Variants in SH3GL2 observed in about 807,000 individuals in gnomAD.
The protein encoded by SH3GL2 is SH3 domain containing GRB2 like 2, endophilin A1, also known as endophilin-A1.
Under a neutral mutation model 46.0 loss-of-function variants are expected in SH3GL2, and 24 were observed. The observed-to-expected ratio is 0.52, with a 90% CI of 0.38 to 0.73. The LOEUF is 0.73. Ranked by LOEUF, SH3GL2 falls within the 30% of genes least tolerant of loss-of-function variation. SH3GL2 has a pLI of 0.00. For missense variants in SH3GL2, 413 were observed against 424.2 expected (o/e 0.97, Z 0.23); for synonymous variants, 196 against 147.1 (o/e 1.33, Z -2.40).
Position 17,796,950 on chromosome 9 carries a change from G to C in SH3GL2, c.*1207G>C, listed in dbSNP as rs9407885. On this transcript the variant is annotated 3_prime_UTR_variant, in exon 9 of 9. Coordinates refer to ENST00000380607, the MANE Select transcript of SH3GL2 (RefSeq NM_003026.5). ...CAGTCATGAAAGTCCTGTTAGGTAT[G>C]CAGAGTTCTATTTATCTAGCTGTAC... is the stretch of plus-strand genomic sequence containing the variant. 152,669 of 152,754 alleles carry C rather than the reference G, an allele frequency of 1. 76,292 individuals carry two copies. The highest frequency in any genetic ancestry group is 1 in the Middle Eastern group (294 of 294). The allele number at this position is 152,754 out of a possible 1,614,324, so 9.5% of individuals were successfully genotyped here. A position where few individuals can be genotyped will look rare whatever the true frequency, so the allele number is the denominator to read the frequency against.
intron 1 of SH3GL2, among the ~76,000 whole-genome samples, chr9:17,675,733 T>A (rs1230399801): frequency 6.6e-6 from 1 of 152,090 alleles, no homozygotes; most frequent in Non-Finnish European, 1.5e-5. Flanking sequence ...GATCACGAGG[T>A]CAGGAGATTG....
chr9:17,788,910 T>C (rs534293445), intron 5 of SH3GL2, among the ~76,000 whole-genome samples: 27 of 152,356 alleles, frequency 1.8e-4, no homozygotes, highest in South Asian at 8.3e-4. Flanking sequence ...CTTACGTGAT[T>C]CTAACAGACT....
intron 1 of SH3GL2, among the ~76,000 whole-genome samples, chr9:17,632,430 A>G (rs932326177): frequency 2.0e-5 from 3 of 152,046 alleles, no homozygotes; most frequent in Non-Finnish European, 2.9e-5. Flanking sequence ...CACTGTTTTC[A>G]TTTTCCCATA....
intron 1 of SH3GL2, among the ~76,000 whole-genome samples, chr9:17,697,946 GC>G (rs1436073186): frequency 1.3e-5 from 2 of 152,184 alleles, no homozygotes; most frequent in Admixed American, 6.5e-5. Context: ...TAGAAAATGG[GC>G]TAAGATTTAG....
intron 1 of SH3GL2, among the ~76,000 whole-genome samples, chr9:17,737,961 A>G (rs1276899158): frequency 1.3e-5 from 2 of 152,126 alleles, no homozygotes; most frequent in Non-Finnish European, 2.9e-5. Flanking sequence ...CCCAGCCTAC[A>G]GGAAGCTTTT....
intron 1 of SH3GL2, among the ~76,000 whole-genome samples, chr9:17,618,102 A>G (rs1164675783): frequency 2.0e-5 from 3 of 152,092 alleles, no homozygotes; most frequent in African/African-American, 7.2e-5. Flanking sequence ...TTTTCCCTCC[A>G]GTTTGCATTG....
At chr9:17,645,302 C>T (rs1035399283) in intron 1 of SH3GL2, among the ~76,000 whole-genome samples, 26 of 151,612 alleles carry the variant, frequency 1.7e-4, no homozygotes, top group Non-Finnish European at 3.4e-4. Context: ...TACAACACAC[C>T]GATGGGTCTT....
At chr9:17,767,128 T>C (rs1163550149) in intron 3 of SH3GL2, among the ~76,000 whole-genome samples, 1 of 152,202 alleles carries the variant, frequency 6.6e-6, no homozygotes, top group Non-Finnish European at 1.5e-5. Flanking sequence ...AAAAAGCAGC[T>C]TGAATGTGAA....
chr9:17,587,865 G>A (rs1818410335), intron 1 of SH3GL2, among the ~76,000 whole-genome samples: 1 of 151,402 alleles, frequency 6.6e-6, no homozygotes, highest in South Asian at 2.1e-4. Context: ...AGCCTGAGCA[G>A]TAGAGCAAGT....
At chr9:17,625,640 A>G (rs1157203913) in intron 1 of SH3GL2, among the ~76,000 whole-genome samples, 1 of 152,210 alleles carries the variant, frequency 6.6e-6, no homozygotes, top group Non-Finnish European at 1.5e-5. Flanking sequence ...AAGTGGCAGA[A>G]CCAGAACTTC....
chr9:17,624,923 T>C (rs1178693489), intron 1 of SH3GL2, among the ~76,000 whole-genome samples: 1 of 152,200 alleles, frequency 6.6e-6, no homozygotes, highest in Admixed American at 6.5e-5. Context: ...GTTGGGGTAC[T>C]GAGGAAGAAC....
At chr9:17,627,368 G>A (rs905159332) in intron 1 of SH3GL2, among the ~76,000 whole-genome samples, 3 of 152,108 alleles carry the variant, frequency 2.0e-5, no homozygotes, top group Non-Finnish European at 2.9e-5. Context: ...AGAAGGTGCT[G>A]GATCCCTAAC....
At chr9:17,594,787 G>A (rs963830686) in intron 1 of SH3GL2, among the ~76,000 whole-genome samples, 5 of 152,108 alleles carry the variant, frequency 3.3e-5, no homozygotes, top group Non-Finnish European at 7.4e-5. Context: ...ACTTCATTCT[G>A]TTGCCAGTTC....
intron 1 of SH3GL2, among the ~76,000 whole-genome samples, chr9:17,725,905 G>C (rs1822010574): frequency 6.6e-6 from 1 of 152,092 alleles, no homozygotes; most frequent in Non-Finnish European, 1.5e-5. Context: ...TGGGGAGAGT[G>C]GGAACCCCCG....
chr9:17,662,814 A>G (rs1157408273), intron 1 of SH3GL2, among the ~76,000 whole-genome samples: 1 of 149,540 alleles, frequency 6.7e-6, no homozygotes, highest in Admixed American at 6.8e-5. Context: ...GGTTCAAGCA[A>G]TTCTGCTGCC....
At chr9:17,712,149 T>C (rs2118279622) in intron 1 of SH3GL2, among the ~76,000 whole-genome samples, 1 of 151,980 alleles carries the variant, frequency 6.6e-6, no homozygotes, top group African/African-American at 2.4e-5. Flanking sequence ...TCCTCATTTC[T>C]CTATTGGGTG....
intron 1 of SH3GL2, among the ~76,000 whole-genome samples, chr9:17,639,652 G>C (rs1260810509): frequency 6.6e-6 from 1 of 152,132 alleles, no homozygotes; most frequent in Non-Finnish European, 1.5e-5. Flanking sequence ...TCAACTCCTT[G>C]GTGTTAGTCG....
Position 17,796,268 on chromosome 9 carries a change from G to A in SH3GL2, c.*525G>A, listed in dbSNP as rs1301054816. 1 of 153,078 alleles carries A rather than the reference G, an allele frequency of 6.5e-6. No homozygotes were observed. The highest frequency in any genetic ancestry group is 1.5e-5 in the Non-Finnish European group (1 of 68,406). 9.5% of individuals were successfully genotyped at this position (153,078 alleles called of 1,614,324 possible). A position where few individuals can be genotyped will look rare whatever the true frequency, so the allele number is the denominator to read the frequency against. The stretch of plus-strand genomic sequence containing the variant: ...TGTCTCTTAATGCATCCATAGAAAA[G>A]TGTTAATTGTGGGTTCAAAGCATTC... On this transcript the variant is annotated 3_prime_UTR_variant, in exon 9 of 9. Coordinates refer to ENST00000380607, the MANE Select transcript of SH3GL2 (RefSeq NM_003026.5).
chr9:17,738,896 T>G (rs1351996588), intron 1 of SH3GL2, among the ~76,000 whole-genome samples: 1 of 152,100 alleles, frequency 6.6e-6, no homozygotes, highest in African/African-American at 2.4e-5. Context: ...TTACTTGAAG[T>G]CAACAGATTG....
Sources: gnomAD v4.1 joint callset for allele counts (sites outside exome capture counted in the v4.1 genomes callset) on GRCh38, gnomAD v4.1.1 for gene constraint, MANE v1.5 for transcripts, NCBI Gene and HGNC (gene_info 2026-07-23, HGNC 2026-07-21) for gene names.